The following ARMC2 variants were observed in gnomAD, a reference collection of about 807,000 sequenced individuals.
ARMC2 encodes armadillo repeat containing 2.
ARMC2 carries 67 observed loss-of-function variants against 90.3 expected under a neutral mutation model. That is an observed-to-expected ratio of 0.74 (90% CI 0.61 to 0.91). The LOEUF is 0.91. Among genes scored for constraint, ARMC2 ranks in the 40% least tolerant of loss-of-function variants. ARMC2 has a pLI of 0.00. For synonymous variants in ARMC2, 393 were observed against 393.0 expected (o/e 1.00, Z 0.00); for missense variants, 920 against 1,030.9 (o/e 0.89, Z 1.47).
chr6:109,016,186 G>A, the ARMC2 span, among the ~76,000 whole-genome samples: 1 of 152,140 alleles, frequency 6.6e-6, no homozygotes, highest in Non-Finnish European at 1.5e-5. Context: ...TAAATGCTTT[G>A]TTTATACTAA....
chr6:108,987,772 G>T, the ARMC2 span: 3 of 424,240 alleles, frequency 7.1e-6, no homozygotes, highest in Non-Finnish European at 8.4e-6. Flanking sequence ...TGGGTTTGTT[G>T]AACAGATTAT....
rs1778261029 is a variant in ARMC2 at position 108,964,990 on chromosome 6, T to A, written c.2296T>A (p.Cys766Ser). 1 of 1,604,780 alleles carries A rather than the reference T, an allele frequency of 6.2e-7. No homozygotes were observed. The highest frequency in any genetic ancestry group is 8.5e-7 in the Non-Finnish European group (1 of 1,172,406). The change falls in exon 17 of 18, where the codon TGT becomes AGT. Residue 766 changes from cysteine to serine, a missense_variant. Coordinates refer to ENST00000392644, the MANE Select transcript of ARMC2 (RefSeq NM_032131.6). ...ATTTTATTAACTCAGGTTAGTGGACTGTTTAAGAGATTTGGGTCCTACTGA... is the reference window on the plus strand; with the variant it reads ...ATTTTATTAACTCAGGTTAGTGGACAGTTTAAGAGATTTGGGTCCTACTGA... ...EGGGIKKLVD[C>S]LRDLGPTDWQ... is the part of the protein sequence containing the mutation.
At chr6:109,009,390 T>C in the ARMC2 span, 2 of 1,465,924 alleles carry the variant, frequency 1.4e-6, no homozygotes, top group Non-Finnish European at 1.8e-6. Flanking sequence ...GCCGCACTGC[T>C]TGCAGCCCAG....
intron 12 of ARMC2, among the ~76,000 whole-genome samples, chr6:108,946,497 A>G (rs1156502822): frequency 6.6e-6 from 1 of 152,198 alleles, no homozygotes; most frequent in African/African-American, 2.4e-5. Flanking sequence ...TCTGTCTTCC[A>G]GTTTGCTAAA....
chr6:108,984,171 T>A, the ARMC2 span, among the ~76,000 whole-genome samples: 1 of 152,192 alleles, frequency 6.6e-6, no homozygotes, highest in African/African-American at 2.4e-5. Context: ...CCGTCCACCC[T>A]GGGTCCATGG....
intron 11 of ARMC2, among the ~76,000 whole-genome samples, chr6:108,933,756 G>A (rs1775759520): frequency 6.6e-6 from 1 of 152,140 alleles, no homozygotes; most frequent in African/African-American, 2.4e-5. Flanking sequence ...TTTTCATGGG[G>A]AATGCTTCCA....
At chr6:109,015,304 T>C in the ARMC2 span, among the ~76,000 whole-genome samples, 1 of 152,154 alleles carries the variant, frequency 6.6e-6, no homozygotes, top group East Asian at 1.9e-4. Flanking sequence ...ATTTTTTCTT[T>C]GATATTTCTG....
At chr6:108,982,484 T>C in the ARMC2 span, among the ~76,000 whole-genome samples, 1 of 152,202 alleles carries the variant, frequency 6.6e-6, no homozygotes, top group Non-Finnish European at 1.5e-5. Flanking sequence ...AAATATTCAG[T>C]CCACAGCAAG....
Position 108,928,202 on chromosome 6 carries a change from G to T in ARMC2, c.1465G>T (p.Asp489Tyr). 1 of 1,586,694 alleles carries T rather than the reference G, an allele frequency of 6.3e-7. No individual in the cohort carries two copies. Among genetic ancestry groups the T allele is most frequent in the Non-Finnish European group, 8.6e-7 (1 of 1,167,308 alleles). The part of the protein sequence containing the change: ...TAMEQYKGDK[D>Y]VCTNIARIFS... ...AATGGAACAGTACAAGGGTGACAAG[G>T]ACGTCTGTACCAATATTGCCAGAAT... is the stretch of plus-strand genomic sequence containing the variant. Residue 489 changes from aspartate to tyrosine, a missense_variant, in exon 11 of 18, where the codon GAC becomes TAC. Asp to Tyr is a radical substitution (Grantham distance 160, BLOSUM62 -3). Transcript: ENST00000392644.
Position 108,879,202 on chromosome 6 carries a change from G to A in ARMC2, c.671+2852G>A, listed in dbSNP as rs115243411. On this transcript the variant is annotated intron_variant, in intron 5 of 17. Coordinates refer to ENST00000392644, the MANE Select transcript of ARMC2 (RefSeq NM_032131.6). ...CACCCACCTATCCACCTATCCATCT[G>A]TCTACCCATCCACCCATCCATATAT... Among the ~76,000 whole-genome samples, 627 of 130,904 alleles carry A rather than the reference G, an allele frequency of 4.8e-3. 2 individuals are homozygous for A. Among genetic ancestry groups the A allele is most frequent in the African/African-American group, 0.017 (587 of 33,808 alleles). 85.9% of individuals were successfully genotyped at this position (130,904 alleles called of 152,430 possible).
intron 13 of ARMC2, 129 bp downstream of exon 13, chr6:108,953,480 G>C (rs1360375204): frequency 4.3e-6 from 4 of 920,038 alleles, no homozygotes; most frequent in Non-Finnish European, 6.3e-6. Flanking sequence ...AGTCTTAGCT[G>C]TATGAAGGAA....
intron 3 of ARMC2, among the ~76,000 whole-genome samples, chr6:108,863,807 C>G (rs1244479978): frequency 1.3e-5 from 2 of 152,108 alleles, no homozygotes; most frequent in Non-Finnish European, 2.9e-5. Context: ...AACCAGCATT[C>G]AAAAGGAAAA....
At chr6:108,926,262 C>T (rs1013729749) in intron 10 of ARMC2, among the ~76,000 whole-genome samples, 1 of 152,150 alleles carries the variant, frequency 6.6e-6, no homozygotes, top group African/African-American at 2.4e-5. Flanking sequence ...TGTACTCTTC[C>T]GTCTCCATGG....
intron 8 of ARMC2, among the ~76,000 whole-genome samples, chr6:108,907,454 CTTTCT>C (rs1318141193): frequency 1.4e-4 from 15 of 106,380 alleles, no homozygotes; most frequent in South Asian, 4.0e-4. Flanking sequence ...TGTTTTCTTT[CTTTCT>C]TTTTTTTTTT....
the ARMC2 span, among the ~76,000 whole-genome samples, chr6:109,007,301 T>C: frequency 1.3e-5 from 2 of 152,218 alleles, no homozygotes; most frequent in African/African-American, 2.4e-5. Flanking sequence ...TGTTTCAAAT[T>C]TGTGAGATAC....
At chr6:108,871,627 C>G (rs1046981797) in intron 4 of ARMC2, among the ~76,000 whole-genome samples, 2 of 151,610 alleles carry the variant, frequency 1.3e-5, no homozygotes, top group African/African-American at 2.4e-5. Flanking sequence ...GCTAGAAAAC[C>G]CTGCTGCTTG....
At chr6:108,950,876 T>A (rs931330316) in intron 12 of ARMC2, among the ~76,000 whole-genome samples, 2 of 152,202 alleles carry the variant, frequency 1.3e-5, no homozygotes, top group African/African-American at 4.8e-5. Context: ...GAACTCAGAT[T>A]CTTTCATGAT....
chr6:108,858,379 A>G (rs774679378), intron 3 of ARMC2, 108 bp downstream of exon 3: 7 of 625,374 alleles, frequency 1.1e-5, no homozygotes, highest in Non-Finnish European at 1.8e-5. Flanking sequence ...TATCATGTAC[A>G]CCTAAATAGA....
rs754247615 is a variant in ARMC2, at chr6:108,973,538, A to G, written c.*24A>G. 1 of 1,576,238 alleles carries G rather than the reference A, an allele frequency of 6.3e-7. No individual in the cohort carries two copies. Among genetic ancestry groups the G allele is most frequent in the South Asian group, 1.2e-5 (1 of 85,976 alleles). ...AACATGATGCAGATTAACAGTAGAA[A>G]CGAGAACTCACGTCTCCCTCATTCT... On this transcript the variant is annotated 3_prime_UTR_variant, in exon 18 of 18. Transcript: ENST00000392644.
Sources: gnomAD v4.1 joint callset for allele counts (sites outside exome capture counted in the v4.1 genomes callset) on GRCh38, gnomAD v4.1.1 for gene constraint, MANE v1.5 for transcripts, NCBI Gene and HGNC (gene_info 2026-07-23, HGNC 2026-07-21) for gene names.